RNF150: variants seen among roughly 807,000 people sequenced by gnomAD.
The protein encoded by RNF150 is ring finger protein 150.
RNF150 carries 24 observed loss-of-function variants against 39.3 expected under a neutral mutation model. The observed-to-expected ratio is 0.61, with a 90% CI of 0.44 to 0.86. The LOEUF is 0.86. RNF150 is among the 40% of genes least tolerant of loss of function. RNF150 has a pLI of 0.00. For synonymous variants in RNF150, 255 were observed against 227.3 expected, an observed-to-expected ratio of 1.12 and a Z score of -1.10; for missense variants, 502 against 587.8, an observed-to-expected ratio of 0.85 and a Z score of 1.51.
At chr4:140,870,103 A>G (rs1728869307) in intron 6 of RNF150, among the ~76,000 whole-genome samples, 1 of 152,214 alleles carries the variant, frequency 6.6e-6, no homozygotes, top group South Asian at 2.1e-4. Flanking sequence ...AGATGTTTTC[A>G]AGGAGACAAA....
chr4:140,990,345 T>C (rs1295100257), intron 1 of RNF150, among the ~76,000 whole-genome samples: 1 of 152,238 alleles, frequency 6.6e-6, no homozygotes, highest in African/African-American at 2.4e-5. Context: ...ACTTTCTTTT[T>C]TTAATTTTTA....
chr4:140,923,162 C>T (rs1731231310), intron 5 of RNF150, among the ~76,000 whole-genome samples: 1 of 152,068 alleles, frequency 6.6e-6, no homozygotes, highest in Admixed American at 6.5e-5. Flanking sequence ...GCAAAACAAA[C>T]CACCATCAGG....
Position 140,862,423 on chromosome 4 carries a change from TGACCTTAGCAGGTTCTTGTAGAACAAGCA to T in RNF150, c.*5809_*5837del, listed in dbSNP as rs1483639994. The T allele has an allele frequency of 6.6e-4, 100 of 152,344 alleles. No homozygotes were observed. The highest frequency in any genetic ancestry group is 2.3e-3 in the African/African-American group (95 of 41,584). 9.4% of individuals were successfully genotyped at this position (152,344 alleles called of 1,614,324 possible). On this transcript the variant is annotated 3_prime_UTR_variant, in exon 7 of 7. Coordinates refer to ENST00000515673, the MANE Select transcript of RNF150 (RefSeq NM_020724.2). ...CAAGGCAGGTGAAGAGAGATGTGAC[TGACCTTAGCAGGTTCTTGTAGAACAAGCA>T]GGATTGCAATCAAATTGCTCGATAT...
intron 1 of RNF150, among the ~76,000 whole-genome samples, chr4:141,101,286 T>A (rs1481788837): frequency 2.6e-5 from 4 of 152,236 alleles, no homozygotes; most frequent in African/African-American, 9.6e-5. Flanking sequence ...TATTCTATAC[T>A]TTGTCTATTT....
At chr4:141,031,822 T>C (rs1223613516) in intron 1 of RNF150, among the ~76,000 whole-genome samples, 1 of 152,024 alleles carries the variant, frequency 6.6e-6, no homozygotes, top group Non-Finnish European at 1.5e-5. Context: ...AGTAGAGCCA[T>C]TATGGAAAAT....
Position 141,052,144 on chromosome 4 carries a change from C to T in RNF150, c.484+80181G>A, listed in dbSNP as rs1736800445. Among the ~76,000 whole-genome samples the T allele has an allele frequency of 3.9e-5, 6 of 152,218 alleles. No homozygotes were observed. In the South Asian group the frequency reaches 1.2e-3, roughly 32 times the overall value. ...AAAGACCCACCCCTCATAATCCAAT[C>T]ATCTCCCACCACTTCCTCCCATGAC... On this transcript the variant is annotated intron_variant, in intron 1 of 6. Coordinates refer to ENST00000515673, the MANE Select transcript of RNF150 (RefSeq NM_020724.2).
intron 1 of RNF150, among the ~76,000 whole-genome samples, chr4:141,004,889 C>T (rs542032175): frequency 6.6e-6 from 1 of 152,252 alleles, no homozygotes; most frequent in East Asian, 1.9e-4. Context: ...TCAGTAACTA[C>T]AATGGATTAT....
intron 1 of RNF150, among the ~76,000 whole-genome samples, chr4:141,150,386 G>A (rs957795309): frequency 7.9e-5 from 12 of 152,078 alleles, no homozygotes; most frequent in African/African-American, 2.4e-4. Context: ...ATGGCTTCTC[G>A]CCGTCACCAT....
At chr4:141,137,039 C>T (rs2111120286), upstream of RNF150, among the ~76,000 whole-genome samples, 1 of 152,146 alleles carries the variant, frequency 6.6e-6, no homozygotes, top group East Asian at 1.9e-4. Flanking sequence ...TGTATGAGTA[C>T]AAGTACAATC....
chr4:141,111,521 T>C (rs1356622500), intron 1 of RNF150, among the ~76,000 whole-genome samples: 1 of 152,152 alleles, frequency 6.6e-6, no homozygotes, highest in East Asian at 1.9e-4. Flanking sequence ...ACTGGGGAGA[T>C]CCACACTTGT....
At chr4:141,003,366 T>A (rs1474159407) in intron 1 of RNF150, among the ~76,000 whole-genome samples, 2 of 152,210 alleles carry the variant, frequency 1.3e-5, no homozygotes, top group African/African-American at 4.8e-5. Flanking sequence ...GATATTGGAC[T>A]GAACTACAAC....
intron 1 of RNF150, among the ~76,000 whole-genome samples, chr4:141,073,527 G>T (rs28594564): frequency 0.013 from 1,943 of 152,214 alleles, 54 homozygotes; most frequent in African/African-American, 0.045. Flanking sequence ...AGGCGAAGAG[G>T]ACTCTGGAAA....
intron 1 of RNF150, among the ~76,000 whole-genome samples, chr4:141,109,736 T>C (rs1241624251): frequency 6.6e-6 from 1 of 152,090 alleles, no homozygotes; most frequent in Non-Finnish European, 1.5e-5. Flanking sequence ...ATCCTCCCAG[T>C]AACTACAATA....
chr4:141,074,287 C>T (rs139247796), intron 1 of RNF150, among the ~76,000 whole-genome samples: 199 of 151,326 alleles, frequency 1.3e-3, no homozygotes, highest in African/African-American at 4.7e-3. Flanking sequence ...AGCATTACCA[C>T]GGAGTGTTAA....
intron 6 of RNF150, among the ~76,000 whole-genome samples, chr4:140,871,619 T>C (rs770252294): frequency 1.9e-4 from 29 of 152,168 alleles, no homozygotes; most frequent in Middle Eastern, 3.4e-3. Context: ...AATGAATTTA[T>C]GACTTTCATA....
chr4:140,873,889 G>A (rs1265319756), intron 6 of RNF150, among the ~76,000 whole-genome samples: 1 of 152,076 alleles, frequency 6.6e-6, no homozygotes, highest in Non-Finnish European at 1.5e-5. Context: ...GCCCAGGCTG[G>A]TGTTGAACTC....
At position 141,059,221 on chromosome 4, in the gene RNF150, C is replaced by T. The variant is rs554409760; in HGVS notation, c.484+73104G>A. On this transcript the variant is annotated intron_variant, in intron 1 of 6. Transcript: ENST00000515673. ...CCTTTTCTCACTGAGATTTTATTGG[C>T]CATCAACAACACAGCCAATGGGCTG... 4.6e-5 allele frequency among the ~76,000 whole-genome samples: 7 copies of T among 152,268 alleles called. No homozygotes were observed. In the South Asian group the frequency reaches 8.3e-4, roughly 18 times the overall value.
At chr4:141,101,631 G>T (rs374699294) in intron 1 of RNF150, among the ~76,000 whole-genome samples, 1 of 152,036 alleles carries the variant, frequency 6.6e-6, no homozygotes, top group African/African-American at 2.4e-5. Context: ...GTACATAATT[G>T]TATGTGCTAC....
intron 1 of RNF150, among the ~76,000 whole-genome samples, chr4:141,066,026 C>T (rs1269341561): frequency 6.6e-6 from 1 of 151,866 alleles, no homozygotes; most frequent in African/African-American, 2.4e-5. Context: ...GTTCACATCC[C>T]CGGACCTTTC....
Sources: allele counts gnomAD v4.1 joint callset (sites outside exome capture counted in the v4.1 genomes callset), GRCh38; gene constraint gnomAD v4.1.1; transcripts MANE v1.5; gene names NCBI Gene and HGNC (gene_info 2026-07-23, HGNC 2026-07-21).